CCSER1: variants seen among roughly 807,000 people sequenced by gnomAD.
CCSER1 encodes serine-rich coiled-coil domain-containing protein 1.
CCSER1 carries 41 observed loss-of-function variants against 82.0 expected under a neutral mutation model. That is an observed-to-expected ratio of 0.50 (90% CI 0.39 to 0.65). The LOEUF (loss-of-function observed/expected upper bound fraction) is 0.65, where lower values mean the gene tolerates loss of function less well. Ranked by LOEUF, CCSER1 falls within the 30% of genes least tolerant of loss-of-function variation. The pLI is 0.00. For synonymous variants in CCSER1, 414 were observed against 383.9 expected (o/e 1.08, Z -0.92); for missense variants, 1,119 against 1,064.2 (o/e 1.05, Z -0.72).
intron 1 of CCSER1, among the ~76,000 whole-genome samples, chr4:90,301,835 T>C (rs1484930893): frequency 6.6e-6 from 1 of 152,092 alleles, no homozygotes; most frequent in Non-Finnish European, 1.5e-5. Flanking sequence ...ATAAAAACAT[T>C]GTAGTAAAAA....
At chr4:91,115,464 C>A (rs1726472831) in intron 10 of CCSER1, among the ~76,000 whole-genome samples, 1 of 152,042 alleles carries the variant, frequency 6.6e-6, no homozygotes. Flanking sequence ...GTGGTTGGGA[C>A]TACAGGTGTG....
chr4:90,158,994 G>T (rs544716518), intron 1 of CCSER1, among the ~76,000 whole-genome samples: 4 of 152,174 alleles, frequency 2.6e-5, no homozygotes, highest in Non-Finnish European at 4.4e-5. Flanking sequence ...GCTGTAGACC[G>T]GCGCTGTTCC....
intron 10 of CCSER1, among the ~76,000 whole-genome samples, chr4:91,151,436 A>AT (rs1379025314): frequency 3.6e-4 from 54 of 152,060 alleles, no homozygotes; most frequent in African/African-American, 1.1e-3. Flanking sequence ...GGATTCATTG[A>AT]TTTTTTGAAG....
chr4:91,151,023 T>TG (rs1200751794), intron 10 of CCSER1, among the ~76,000 whole-genome samples: 2 of 152,100 alleles, frequency 1.3e-5, no homozygotes, highest in Non-Finnish European at 2.9e-5. Context: ...TTTTATTGAT[T>TG]GAATAGTTTC....
At position 90,558,784 on chromosome 4, in the gene CCSER1, A is replaced by G. The variant is rs535749266; in HGVS notation, c.1725-69241A>G. 2.0e-5 allele frequency among the ~76,000 whole-genome samples: 3 copies of G among 152,278 alleles called. No individual in the cohort carries two copies. In the East Asian group the frequency reaches 5.8e-4, roughly 29 times the overall value. ...AGACAAGAAATGTGGGAATGAGTAT[A>G]TTTTTTAGGGAAGGGGGACACCTGC... On this transcript the variant is annotated intron_variant, in intron 5 of 10. Transcript: ENST00000509176.
intron 5 of CCSER1, among the ~76,000 whole-genome samples, chr4:90,510,263 A>C (rs1230255177): frequency 6.6e-6 from 1 of 152,214 alleles, no homozygotes; most frequent in Non-Finnish European, 1.5e-5. Context: ...CGCTGAAATG[A>C]GACTGAGATC....
intron 1 of CCSER1, among the ~76,000 whole-genome samples, chr4:90,143,211 C>G (rs1401084453): frequency 1.3e-5 from 2 of 152,000 alleles, no homozygotes; most frequent in South Asian, 2.1e-4. Context: ...TTTTGTTCTT[C>G]CCTCTGCCTG....
At chr4:91,041,888 G>T (rs1741987187) in intron 9 of CCSER1, among the ~76,000 whole-genome samples, 1 of 152,148 alleles carries the variant, frequency 6.6e-6, no homozygotes, top group Non-Finnish European at 1.5e-5. Flanking sequence ...AGGATGCGCA[G>T]ACATTGTTTG....
chr4:91,080,110 A>G (rs1178811328), intron 9 of CCSER1, among the ~76,000 whole-genome samples: 1 of 152,204 alleles, frequency 6.6e-6, no homozygotes, highest in East Asian at 1.9e-4. Flanking sequence ...ACAACAGAAC[A>G]TACATTCTTC....
intron 1 of CCSER1, among the ~76,000 whole-genome samples, chr4:90,150,329 A>G (rs1726584704): frequency 6.6e-6 from 1 of 152,052 alleles, no homozygotes; most frequent in Non-Finnish European, 1.5e-5. Flanking sequence ...TCTTTTTTTA[A>G]TAGCGACTCC....
chr4:91,173,747 A>G (rs1383064256), intron 10 of CCSER1, among the ~76,000 whole-genome samples: 1 of 152,162 alleles, frequency 6.6e-6, no homozygotes, highest in African/African-American at 2.4e-5. Context: ...TCCTGAGTGT[A>G]TGAGAGGCTA....
chr4:91,437,972 G>A (rs1398199929), intron 10 of CCSER1, among the ~76,000 whole-genome samples: 9 of 152,186 alleles, frequency 5.9e-5, no homozygotes, highest in African/African-American at 2.2e-4. Context: ...AAACAAAGCA[G>A]CCAGGAAGCT....
At chr4:91,411,491 C>CATATATAT (rs770013398) in intron 10 of CCSER1, among the ~76,000 whole-genome samples, 2,093 of 53,266 alleles carry the variant, frequency 0.039, 109 homozygotes, top group South Asian at 0.053. Flanking sequence ...TGCATATATA[C>CATATATAT]ATATATATAT....
chr4:90,415,401 C>T (rs1463981896), intron 4 of CCSER1, among the ~76,000 whole-genome samples: 1 of 152,070 alleles, frequency 6.6e-6, no homozygotes, highest in African/African-American at 2.4e-5. Flanking sequence ...AATCGATTAA[C>T]TTTTTTTATA....
chr4:91,302,866 A>G (rs534790374), intron 10 of CCSER1, among the ~76,000 whole-genome samples: 1 of 150,484 alleles, frequency 6.6e-6, no homozygotes, highest in South Asian at 2.1e-4. Flanking sequence ...TTATTTTTTC[A>G]CAGCATTTAT....
rs1206702373 is a variant in CCSER1 at position 90,738,333 on chromosome 4, C to A, written c.2010+14342C>A. ...CTGCAGCCATATCTGCATTAGAGGACACCCCAAGCTGAGTAATGCTGTCAT... is the reference window on the plus strand; with the variant it reads ...CTGCAGCCATATCTGCATTAGAGGAAACCCCAAGCTGAGTAATGCTGTCAT... On this transcript the variant is annotated intron_variant, in intron 7 of 10. Coordinates refer to ENST00000509176, the MANE Select transcript of CCSER1 (RefSeq NM_001145065.2). 2.0e-5 allele frequency among the ~76,000 whole-genome samples: 3 copies of A among 152,136 alleles called. No homozygotes were observed. In the East Asian group the frequency reaches 5.8e-4, roughly 29 times the overall value.
chr4:90,913,463 G>A (rs549031993), intron 8 of CCSER1, among the ~76,000 whole-genome samples: 30 of 152,216 alleles, frequency 2.0e-4, no homozygotes, highest in African/African-American at 6.5e-4. Flanking sequence ...TCACCACCGG[G>A]CCTGCCCTAC....
intron 9 of CCSER1, among the ~76,000 whole-genome samples, chr4:90,990,961 T>C (rs937305588): frequency 6.6e-6 from 1 of 151,932 alleles, no homozygotes; most frequent in African/African-American, 2.4e-5. Flanking sequence ...TCTTAAACTT[T>C]AGTGTGATCA....
chr4:91,195,740 C>T (rs751321685), intron 10 of CCSER1, among the ~76,000 whole-genome samples: 11 of 152,250 alleles, frequency 7.2e-5, no homozygotes, highest in South Asian at 2.1e-4. Flanking sequence ...CAAAGATTGT[C>T]TTTCTCATAT....
Sources: gnomAD v4.1 joint callset for allele counts (sites outside exome capture counted in the v4.1 genomes callset) on GRCh38, gnomAD v4.1.1 for gene constraint, MANE v1.5 for transcripts, NCBI Gene and HGNC (gene_info 2026-07-23, HGNC 2026-07-21) for gene names.